The following C3orf52 variants were observed in gnomAD, a reference collection of about 807,000 sequenced individuals.
C3orf52 encodes TPA-induced transmembrane protein.
In C3orf52, 22 loss-of-function variants were observed where a neutral mutation model predicts 24.8. That is an observed-to-expected ratio of 0.89 (90% CI 0.63 to 1.27). The LOEUF (loss-of-function observed/expected upper bound fraction) is 1.27. C3orf52 is among the 50% of genes most tolerant of loss of function. The pLI, the probability that C3orf52 is intolerant of heterozygous loss-of-function variation, is 0.00. For missense variants in C3orf52, 265 were observed against 260.7 expected, an observed-to-expected ratio of 1.02 and a Z score of -0.11; for synonymous variants, 93 against 100.2, an observed-to-expected ratio of 0.93 and a Z score of 0.43.
downstream of C3orf52, chr3:112,130,098 T>G (rs28480564): frequency 7.9e-3 from 1,916 of 243,424 alleles, 37 homozygotes; most frequent in African/African-American, 0.038. Context: ...ACCTATAGCT[T>G]AAAATAAAAT....
the C3orf52 span, among the ~76,000 whole-genome samples, chr3:112,136,054 G>A: frequency 6.6e-6 from 1 of 152,184 alleles, no homozygotes; most frequent in African/African-American, 2.4e-5. Context: ...ATTTTCTGGA[G>A]TCTAACTTCA....
downstream of C3orf52, chr3:112,121,320 G>A (rs1411174035): frequency 6.6e-6 from 1 of 152,178 alleles, no homozygotes; most frequent in Non-Finnish European, 1.5e-5. Flanking sequence ...GAGGACTGCT[G>A]GGTGACCCTG....
chr3:112,091,770 T>G lies in C3orf52; in HGVS notation c.139-1590T>G, dbSNP rs553900280. ...CTGTAATCCCAGCACTTTGGGAGGT[T>G]GAGGCGGGAGGATCACGAGGTCAGG... On this transcript the variant is annotated intron_variant, in intron 1 of 5. Transcript: ENST00000264848. 4.6e-3 allele frequency among the ~76,000 whole-genome samples: 704 copies of G among 152,256 alleles called. 4 individuals carry two copies. Among genetic ancestry groups the G allele is most frequent in the African/African-American group, 0.016 (678 of 41,562 alleles).
intron 2 of C3orf52, among the ~76,000 whole-genome samples, chr3:112,101,512 C>T (rs2073971593): frequency 6.6e-6 from 1 of 152,178 alleles, no homozygotes; most frequent in South Asian, 2.1e-4. Flanking sequence ...ATTGTACAAA[C>T]AGTTGAGGCA....
intron 5 of C3orf52, 43 bp downstream of exon 5, chr3:112,113,188 A>G (rs2107789267): frequency 6.6e-7 from 1 of 1,503,904 alleles, no homozygotes; most frequent in Non-Finnish European, 9.0e-7. Context: ...GACAATAAAC[A>G]GGTGAACCAG....
intron 4 of C3orf52, chr3:112,123,750 G>A: frequency 1.2e-6 from 2 of 1,613,412 alleles, no homozygotes; most frequent in South Asian, 2.2e-5. Flanking sequence ...CAGCTCCTCT[G>A]AGTAGGTCTG....
At chr3:112,118,439 A>C (rs1309135884), downstream of C3orf52, among the ~76,000 whole-genome samples, 1 of 152,106 alleles carries the variant, frequency 6.6e-6, no homozygotes, top group Non-Finnish European at 1.5e-5. Context: ...CTCTGGCAGG[A>C]CTTGGTATCT....
At chr3:112,127,436 C>G (rs1397255789) in intron 4 of C3orf52, among the ~76,000 whole-genome samples, 1 of 152,226 alleles carries the variant, frequency 6.6e-6, no homozygotes, top group South Asian at 2.1e-4. Context: ...AACAAATAAA[C>G]ACACTCTTCG....
downstream of C3orf52, among the ~76,000 whole-genome samples, chr3:112,131,280 T>C (rs1338368677): frequency 6.6e-6 from 1 of 152,110 alleles, no homozygotes; most frequent in Non-Finnish European, 1.5e-5. Context: ...GGCAGGTCTC[T>C]TCCTCTGAGA....
At chr3:112,094,804 G>A (rs1180070775) in intron 2 of C3orf52, among the ~76,000 whole-genome samples, 1 of 152,074 alleles carries the variant, frequency 6.6e-6, no homozygotes, top group Non-Finnish European at 1.5e-5. Flanking sequence ...TTTATATGTG[G>A]GGGTGATGGT....
At chr3:112,119,148 C>T (rs974172080), downstream of C3orf52, among the ~76,000 whole-genome samples, 4 of 151,992 alleles carry the variant, frequency 2.6e-5, no homozygotes, top group African/African-American at 4.8e-5. Flanking sequence ...TTTGGGAGGC[C>T]GAGGCAGGCA....
At chr3:112,133,284 G>A, downstream of C3orf52, 1 of 710,760 alleles carries the variant, frequency 1.4e-6, no homozygotes, top group Non-Finnish European at 2.4e-6. Context: ...GGAAGGAAGA[G>A]GCTGGGGGAG....
At chr3:112,107,092 A>C (rs865804626) in intron 3 of C3orf52, among the ~76,000 whole-genome samples, 3 of 152,258 alleles carry the variant, frequency 2.0e-5, no homozygotes, top group Non-Finnish European at 4.4e-5. Flanking sequence ...AGAATCTTCG[A>C]GTGAACACTA....
intron 1 of C3orf52, among the ~76,000 whole-genome samples, chr3:112,086,795 G>T (rs2073832123): frequency 6.6e-6 from 1 of 152,210 alleles, no homozygotes; most frequent in South Asian, 2.1e-4. Context: ...AATCCTAGTG[G>T]TGAGGTGTGG....
intron 2 of C3orf52, among the ~76,000 whole-genome samples, chr3:112,101,473 C>G (rs1170447694): frequency 1.3e-5 from 2 of 152,122 alleles, no homozygotes; most frequent in African/African-American, 2.4e-5. Flanking sequence ...AAAATCCAGA[C>G]TCCCAGAAGG....
chr3:112,116,212 T>A (rs1201970375), intron 5 of C3orf52, among the ~76,000 whole-genome samples: 2 of 152,176 alleles, frequency 1.3e-5, no homozygotes, highest in African/African-American at 2.4e-5. Context: ...CTGTGTTGTG[T>A]CTGCTTGGGG....
intron 3 of C3orf52, among the ~76,000 whole-genome samples, chr3:112,105,673 G>C (rs1385613534): frequency 6.6e-6 from 1 of 150,810 alleles, no homozygotes; most frequent in African/African-American, 2.4e-5. Flanking sequence ...ATAGTTTAAG[G>C]GTTCAGCCCC....
At chr3:112,104,305 A>G (rs1439947706) in intron 3 of C3orf52, among the ~76,000 whole-genome samples, 1 of 152,216 alleles carries the variant, frequency 6.6e-6, no homozygotes, top group Non-Finnish European at 1.5e-5. Flanking sequence ...TGTCAAAGAC[A>G]AGGTGGTTCA....
downstream of C3orf52, chr3:112,133,093 T>A: frequency 6.2e-7 from 1 of 1,613,774 alleles, no homozygotes; most frequent in Non-Finnish European, 8.5e-7. Context: ...TAGACTTACC[T>A]GTTTTCTCTC....
Sources: gnomAD v4.1 joint callset for allele counts (sites outside exome capture counted in the v4.1 genomes callset) on GRCh38, gnomAD v4.1.1 for gene constraint, MANE v1.5 for transcripts, NCBI Gene and HGNC (gene_info 2026-07-23, HGNC 2026-07-21) for gene names.